The following GLIS1 variants were observed in gnomAD, a reference collection of about 807,000 sequenced individuals.
GLIS1 encodes the protein zinc finger protein GLIS1.
Under a neutral mutation model 63.8 loss-of-function variants are expected in GLIS1, and 24 were observed. The ratio of observed to expected loss-of-function variants is 0.38; its 90% CI spans 0.27 to 0.53. The LOEUF (loss-of-function observed/expected upper bound fraction) is 0.53. GLIS1 is among the 20% of genes least tolerant of loss of function. The pLI, the probability that GLIS1 is intolerant of heterozygous loss-of-function variation, is 0.85. For synonymous variants in GLIS1, 450 were observed against 482.5 expected (o/e 0.93, Z 0.88); for missense variants, 1,036 against 1,074.1 (o/e 0.96, Z 0.50).
At chr1:53,607,642 T>C (rs1645384023) in intron 2 of GLIS1, among the ~76,000 whole-genome samples, 1 of 152,212 alleles carries the variant, frequency 6.6e-6, no homozygotes, top group African/African-American at 2.4e-5. Context: ...TCTATTAGAC[T>C]TGGAAGGCAC....
chr1:53,601,118 G>A (rs1390452916), intron 2 of GLIS1, among the ~76,000 whole-genome samples: 3 of 152,132 alleles, frequency 2.0e-5, no homozygotes, highest in Admixed American at 1.3e-4. Context: ...AGCTAGGGAG[G>A]AAAGGACATG....
At chr1:53,632,871 TATGAGTGTG>T (rs1645676401) in intron 2 of GLIS1, among the ~76,000 whole-genome samples, 1 of 144,278 alleles carries the variant, frequency 6.9e-6, no homozygotes, top group Admixed American at 6.9e-5. Flanking sequence ...GAGGCATGTG[TATGAGTGTG>T]ACTGAGGGGC....
chr1:53,682,126 G>A (rs994871990), intron 2 of GLIS1, among the ~76,000 whole-genome samples: 5 of 152,296 alleles, frequency 3.3e-5, no homozygotes, highest in East Asian at 1.9e-4. Flanking sequence ...GGCAGAGTCC[G>A]CACCAGCCCT....
In GLIS1 at chr1:53,512,470, T is replaced by C. The variant is rs543170231; in HGVS notation, c.1883+2155A>G. 5.3e-5 allele frequency among the ~76,000 whole-genome samples: 8 copies of C among 152,346 alleles called. No homozygotes were observed. The South Asian group carries it at 1.2e-3, about 24-fold the overall frequency. On this transcript the variant is annotated intron_variant, in intron 8 of 10. Transcript: ENST00000628545. The stretch of plus-strand genomic sequence containing the variant: ...TATTTTTGAGTGAATCAGATAATTC[T>C]GTCAAGCTATTTAAACGTCCCAGCA...
intron 2 of GLIS1, among the ~76,000 whole-genome samples, chr1:53,624,172 C>T (rs1645572109): frequency 6.6e-6 from 1 of 152,178 alleles, no homozygotes; most frequent in South Asian, 2.1e-4. Context: ...GTAATCAAGA[C>T]AGGGTGGCAC....
intron 4 of GLIS1, among the ~76,000 whole-genome samples, chr1:53,553,327 T>C (rs1415435495): frequency 6.6e-6 from 1 of 151,790 alleles, no homozygotes; most frequent in Non-Finnish European, 1.5e-5. Context: ...AGAGCTGCTC[T>C]CCCTCATGAG....
At chr1:53,695,725 G>A (rs139713451) in intron 2 of GLIS1, among the ~76,000 whole-genome samples, 1 of 152,222 alleles carries the variant, frequency 6.6e-6, no homozygotes, top group African/African-American at 2.4e-5. Flanking sequence ...GCCTGGAGAA[G>A]TGTGCCGCAC....
In GLIS1 at chr1:53,674,930, T is replaced by C. The variant is rs545431086; in HGVS notation, c.259+62876A>G. Among the ~76,000 whole-genome samples, 216 of 152,072 alleles carry C rather than the reference T, an allele frequency of 1.4e-3. 1 individual carries two copies. The highest frequency in any genetic ancestry group is 2.3e-3 in the Non-Finnish European group (155 of 67,982). On this transcript the variant is annotated intron_variant, in intron 2 of 10. Transcript: ENST00000628545. ...CTGGCATGCAGGCTGCTAAGAGAGA[T>C]TACAAGCAGATTTCAAATAGAAGTG...
intron 4 of GLIS1, among the ~76,000 whole-genome samples, chr1:53,590,866 G>C (rs1315570817): frequency 6.6e-6 from 1 of 152,186 alleles, no homozygotes; most frequent in African/African-American, 2.4e-5. Context: ...TAAGGACTAA[G>C]ATGCTCAGGC....
intron 2 of GLIS1, among the ~76,000 whole-genome samples, chr1:53,681,093 C>T (rs1219985219): frequency 3.9e-5 from 6 of 152,234 alleles, no homozygotes; most frequent in Admixed American, 2.0e-4. Context: ...CCCCTCTTCT[C>T]GGCCTTGGGT....
At chr1:53,734,044 C>A (rs888187866) in intron 2 of GLIS1, 2 of 984,648 alleles carry the variant, frequency 2.0e-6, no homozygotes, top group South Asian at 4.7e-5. Flanking sequence ...CGAGTCCATG[C>A]GCACAATCTA....
chr1:53,709,399 T>TATATAC, intron 2 of GLIS1, among the ~76,000 whole-genome samples: 1 of 14,204 alleles, frequency 7.0e-5, no homozygotes, highest in Non-Finnish European at 2.1e-4. Flanking sequence ...TATATACATA[T>TATATAC]ACATATATAT....
chr1:53,539,292 ACACACAC>A lies in GLIS1; in HGVS notation c.1321-9347_1321-9341del, dbSNP rs1364977919. On this transcript the variant is annotated intron_variant, in intron 4 of 10. Coordinates refer to ENST00000628545, the MANE Select transcript of GLIS1 (RefSeq NM_001367484.1). The surrounding 1 kb of genome is among the most constrained non-coding windows in gnomAD (Gnocchi z 5.0). The stretch of plus-strand genomic sequence containing the variant: ...CCCAGAAACTCCCTCACACACACAC[ACACACAC>A]TACACCTAAACACACACACCCCAAT... Among the ~76,000 whole-genome samples the A allele has an allele frequency of 2.7e-5, 4 of 150,824 alleles. No homozygotes were observed. The highest frequency in any genetic ancestry group is 2.6e-4 in the Admixed American group (4 of 15,128).
intron 4 of GLIS1, among the ~76,000 whole-genome samples, chr1:53,593,296 C>T (rs919213668): frequency 5.3e-5 from 8 of 152,242 alleles, no homozygotes; most frequent in African/African-American, 1.9e-4. Flanking sequence ...GGTAGCACAG[C>T]AGTTAGGCTG....
chr1:53,692,437 T>C (rs1646416324), intron 2 of GLIS1, among the ~76,000 whole-genome samples: 2 of 152,258 alleles, frequency 1.3e-5, no homozygotes, highest in African/African-American at 2.4e-5. Flanking sequence ...ACGATAACAA[T>C]AAACATAGCT....
intron 2 of GLIS1, among the ~76,000 whole-genome samples, chr1:53,672,131 C>A (rs1646159024): frequency 6.6e-6 from 1 of 152,196 alleles, no homozygotes; most frequent in Non-Finnish European, 1.5e-5. Flanking sequence ...CCCATCCCAC[C>A]CAGCCATTCT....
At chr1:53,601,638 G>A (rs61770296) in intron 2 of GLIS1, among the ~76,000 whole-genome samples, 13,267 of 152,184 alleles carry the variant, frequency 0.087, 771 homozygotes, top group South Asian at 0.17. Flanking sequence ...TTTTACAGAG[G>A]ACAAAACAGA....
intron 2 of GLIS1, among the ~76,000 whole-genome samples, chr1:53,615,655 G>A (rs748363398): frequency 9.2e-5 from 14 of 152,044 alleles, no homozygotes; most frequent in Admixed American, 7.2e-4. Flanking sequence ...TTCAAAATTT[G>A]GGATTTATAT....
In GLIS1 at chr1:53,506,328, C is replaced by T. The variant is rs1644230724; in HGVS notation, c.*291G>A. On this transcript the variant is annotated 3_prime_UTR_variant, in exon 11 of 11. Transcript: ENST00000628545. ...AAACAAGTTCTGCATATTTTATATA[C>T]ACGAGGTCTGTGATTTCAAAACCAC... is the stretch of plus-strand genomic sequence containing the variant. The T allele has an allele frequency of 7.0e-6, 3 of 430,628 alleles. No homozygotes were observed. The highest frequency in any genetic ancestry group is 3.8e-5 in the Admixed American group (1 of 26,576). The allele number at this position is 430,628 out of a possible 1,614,324, so 26.7% of individuals were successfully genotyped here. A position where few individuals can be genotyped will look rare whatever the true frequency, so the allele number is the denominator to read the frequency against.
Sources: allele counts gnomAD v4.1 joint callset (sites outside exome capture counted in the v4.1 genomes callset), GRCh38; gene constraint gnomAD v4.1.1; non-coding constraint Gnocchi (gnomAD v3.1); transcripts MANE v1.5; gene names NCBI Gene and HGNC (gene_info 2026-07-23, HGNC 2026-07-21).